GPC5: variants seen among roughly 807,000 people sequenced by gnomAD.
The protein encoded by GPC5 is glypican 5.
Under a neutral mutation model 53.9 loss-of-function variants are expected in GPC5, and 47 were observed. That is an observed-to-expected ratio of 0.87 (90% CI 0.69 to 1.11). The LOEUF is 1.11. GPC5 is among the 50% of genes most tolerant of loss of function. GPC5 has a pLI of 0.00. For synonymous variants in GPC5, 286 were observed against 263.3 expected, an observed-to-expected ratio of 1.09 and a Z score of -0.84; for missense variants, 748 against 713.1, an observed-to-expected ratio of 1.05 and a Z score of -0.56.
chr13:92,171,930 T>G (rs2042073537), intron 7 of GPC5, among the ~76,000 whole-genome samples: 1 of 152,220 alleles, frequency 6.6e-6, no homozygotes, highest in African/African-American at 2.4e-5. Context: ...AGAGCTTCCT[T>G]GTACTACCAA....
At chr13:92,285,593 T>C (rs1447183829) in intron 7 of GPC5, among the ~76,000 whole-genome samples, 1 of 152,118 alleles carries the variant, frequency 6.6e-6, no homozygotes, top group African/African-American at 2.4e-5. Flanking sequence ...ACCACACATC[T>C]ACAACCATCT....
chr13:92,185,590 C>T (rs1411174493), intron 7 of GPC5, among the ~76,000 whole-genome samples: 1 of 151,842 alleles, frequency 6.6e-6, no homozygotes, highest in African/African-American at 2.4e-5. Context: ...GCTCTCCAGA[C>T]CTATTTGAGC....
chr13:91,932,194 A>G (rs2039828506), intron 6 of GPC5, among the ~76,000 whole-genome samples: 1 of 152,054 alleles, frequency 6.6e-6, no homozygotes, highest in African/African-American at 2.4e-5. Flanking sequence ...GGAATGCCAA[A>G]ATATTGTGCC....
intron 3 of GPC5, among the ~76,000 whole-genome samples, chr13:91,714,063 A>T (rs2036283694): frequency 6.6e-6 from 1 of 152,154 alleles, no homozygotes; most frequent in Admixed American, 6.6e-5. Flanking sequence ...CTCAGGGTCT[A>T]ATTCCTTCCA....
At chr13:92,128,671 A>G (rs914365320) in intron 6 of GPC5, among the ~76,000 whole-genome samples, 6 of 152,334 alleles carry the variant, frequency 3.9e-5, no homozygotes, top group South Asian at 2.1e-4. Flanking sequence ...TTTTAATTTA[A>G]GAAGTAATCC....
At chr13:92,274,330 G>C (rs1033377173) in intron 7 of GPC5, among the ~76,000 whole-genome samples, 1 of 151,948 alleles carries the variant, frequency 6.6e-6, no homozygotes, top group Non-Finnish European at 1.5e-5. Flanking sequence ...CAGTAGATCA[G>C]GCCATAACTT....
intron 5 of GPC5, among the ~76,000 whole-genome samples, chr13:91,809,350 A>G (rs1369781227): frequency 1.3e-5 from 2 of 152,180 alleles, no homozygotes; most frequent in African/African-American, 4.8e-5. Flanking sequence ...ACAGAGAACT[A>G]TCCTGTAACT....
At chr13:91,508,345 G>A (rs1376069412) in intron 2 of GPC5, among the ~76,000 whole-genome samples, 1 of 152,106 alleles carries the variant, frequency 6.6e-6, no homozygotes, top group Non-Finnish European at 1.5e-5. Context: ...AACATGTCTG[G>A]TAGAAAATGT....
chr13:92,388,486 G>A (rs1451885828), intron 7 of GPC5, among the ~76,000 whole-genome samples: 1 of 152,076 alleles, frequency 6.6e-6, no homozygotes, highest in Admixed American at 6.6e-5. Flanking sequence ...CAAAAGGGTT[G>A]CTCCATTTTG....
At chr13:91,674,680 G>A (rs190847320) in intron 2 of GPC5, among the ~76,000 whole-genome samples, 29 of 146,518 alleles carry the variant, frequency 2.0e-4, no homozygotes, top group Non-Finnish European at 3.3e-4. Context: ...ATATATATGC[G>A]TATGTGTATA....
At chr13:92,232,238 A>G (rs2042536126) in intron 7 of GPC5, among the ~76,000 whole-genome samples, 1 of 151,382 alleles carries the variant, frequency 6.6e-6, no homozygotes, top group East Asian at 2.0e-4. Context: ...ATATTGTCCA[A>G]TTTTACAGAA....
chr13:91,739,625 C>T (rs1286202522), intron 4 of GPC5, among the ~76,000 whole-genome samples: 3 of 151,102 alleles, frequency 2.0e-5, no homozygotes, highest in South Asian at 2.1e-4. Flanking sequence ...GGGAGGCCTC[C>T]GTTTGTTGTC....
intron 7 of GPC5, among the ~76,000 whole-genome samples, chr13:92,734,371 G>C (rs945497072): frequency 6.6e-6 from 1 of 151,748 alleles, no homozygotes; most frequent in Non-Finnish European, 1.5e-5. Context: ...GTTAGTGTCA[G>C]CCTGGCTATG....
chr13:91,697,931 T>A (rs1195273275), intron 3 of GPC5, among the ~76,000 whole-genome samples: 2 of 150,230 alleles, frequency 1.3e-5, no homozygotes, highest in African/African-American at 4.9e-5. Context: ...AGACGGAGTC[T>A]CGCCCTGTCA....
chr13:92,043,161 G>A (rs1317041327), intron 6 of GPC5, among the ~76,000 whole-genome samples: 5 of 152,134 alleles, frequency 3.3e-5, no homozygotes, highest in Admixed American at 3.3e-4. Context: ...CATTTAATGA[G>A]CGTTACCAAA....
chr13:91,888,943 G>C (rs1392083038), intron 5 of GPC5, among the ~76,000 whole-genome samples: 1 of 152,114 alleles, frequency 6.6e-6, no homozygotes, highest in African/African-American at 2.4e-5. Flanking sequence ...AAACAAGAAG[G>C]GAGAGAAGAA....
chr13:92,615,111 C>T (rs1453014704), intron 7 of GPC5, among the ~76,000 whole-genome samples: 2 of 152,146 alleles, frequency 1.3e-5, no homozygotes, highest in African/African-American at 4.8e-5. Flanking sequence ...TTTAAGGAAG[C>T]AGAGTCACAT....
chr13:92,078,960 G>C (rs1209932502), intron 6 of GPC5, among the ~76,000 whole-genome samples: 1 of 152,130 alleles, frequency 6.6e-6, no homozygotes, highest in Non-Finnish European at 1.5e-5. Context: ...AGAGCTCTGT[G>C]CAGTGTCATC....
In GPC5 at chr13:91,865,374, AAAT is replaced by A. The variant is rs2039072810; in HGVS notation, c.1281-42551_1281-42549del. On this transcript the variant is annotated intron_variant, in intron 5 of 7. Transcript: ENST00000377067. ...TGTACAAATAAATACTATGAATTAA[AAAT>A]AATAATAATAAATTATGATTTTCCT... is the stretch of plus-strand genomic sequence containing the variant. Among the ~76,000 whole-genome samples the A allele has an allele frequency of 3.3e-5, 5 of 152,218 alleles. No homozygotes were observed. The East Asian group carries it at 7.7e-4, about 24-fold the overall frequency.
Sources: gnomAD v4.1 joint callset for allele counts (sites outside exome capture counted in the v4.1 genomes callset) on GRCh38, gnomAD v4.1.1 for gene constraint, MANE v1.5 for transcripts, NCBI Gene and HGNC (gene_info 2026-07-23, HGNC 2026-07-21) for gene names.